Variants in PRKAR2A observed in about 807,000 individuals in gnomAD.
The protein encoded by PRKAR2A is cAMP-dependent protein kinase type II-alpha regulatory subunit.
In PRKAR2A, 29 loss-of-function variants were observed where a neutral mutation model predicts 51.9. That is an observed-to-expected ratio of 0.56 (90% CI 0.42 to 0.76). The LOEUF (loss-of-function observed/expected upper bound fraction) is 0.76. Among genes scored for constraint, PRKAR2A ranks in the 30% least tolerant of loss-of-function variants. The pLI is 0.00. For missense variants in PRKAR2A, 445 were observed against 512.1 expected, an observed-to-expected ratio of 0.87 and a Z score of 1.26; for synonymous variants, 178 against 186.2, an observed-to-expected ratio of 0.96 and a Z score of 0.36.
intron 1 of PRKAR2A, among the ~76,000 whole-genome samples, chr3:48,820,476 A>T (rs74354316): frequency 6.4e-4 from 97 of 152,312 alleles, no homozygotes; most frequent in African/African-American, 2.1e-3. Flanking sequence ...TCTTGCACAT[A>T]GATGACTACT....
intron 9 of PRKAR2A, among the ~76,000 whole-genome samples, chr3:48,753,901 T>TC (rs1376985163): frequency 0.011 from 1 of 92 alleles, no homozygotes; most frequent in Non-Finnish European, 0.023. Flanking sequence ...TATTGTTTTC[T>TC]TTTTTTTTTT....
chr3:48,781,498 C>T (rs1338868497), intron 5 of PRKAR2A, among the ~76,000 whole-genome samples: 7 of 151,524 alleles, frequency 4.6e-5, no homozygotes, highest in East Asian at 1.9e-4. Context: ...CACACCACCA[C>T]GCCCGGTTAC....
chr3:48,769,617 T>C (rs1420703289), intron 6 of PRKAR2A, among the ~76,000 whole-genome samples: 3 of 152,022 alleles, frequency 2.0e-5, no homozygotes, highest in Admixed American at 6.6e-5. Context: ...GCTAGGATTA[T>C]AGGCATGCGC....
At chr3:48,793,784 G>A (rs1046842570) in intron 3 of PRKAR2A, among the ~76,000 whole-genome samples, 4 of 152,094 alleles carry the variant, frequency 2.6e-5, no homozygotes, top group Non-Finnish European at 4.4e-5. Flanking sequence ...GAGCCACCAC[G>A]CCCAGCCTGT....
Position 48,751,601 on chromosome 3 carries a change from C to T in PRKAR2A, c.1199G>A (p.Gly400Asp). 1 of 1,612,572 alleles carries T rather than the reference C, an allele frequency of 6.2e-7. No homozygotes were observed. The highest frequency in any genetic ancestry group is 8.5e-7 in the Non-Finnish European group (1 of 1,179,230). The change falls in exon 11 of 11, where the codon GGC becomes GAC. Residue 400 changes from glycine to aspartate, a missense_variant. Transcript: ENST00000265563. ...GTGGCACACCTACTGCCCGAGGTTG[C>T]CCAGATCCACGCTGGAGCCAAACAT... is the stretch of plus-strand genomic sequence containing the variant. ...VKMFGSSVDL[G>D]NLGQ is the part of the protein sequence containing the mutation.
Position 48,750,778 on chromosome 3 carries a change from G to A in PRKAR2A, c.*807C>T, listed in dbSNP as rs995610418. 6.5e-6 allele frequency: 1 copy of A among 153,588 alleles called. No homozygotes were observed. Among genetic ancestry groups the A allele is most frequent in the Admixed American group, 6.5e-5 (1 of 15,466 alleles). 9.5% of individuals were successfully genotyped at this position (153,588 alleles called of 1,614,324 possible). A position where few individuals can be genotyped will look rare whatever the true frequency, so the allele number is the denominator to read the frequency against. On this transcript the variant is annotated 3_prime_UTR_variant, in exon 11 of 11. Coordinates refer to ENST00000265563, the MANE Select transcript of PRKAR2A (RefSeq NM_004157.4). The stretch of plus-strand genomic sequence containing the variant: ...GTATAGCAATTCATTCATACAAACT[G>A]CACAGAGGTTAAACAAAACCTACTA...
intron 1 of PRKAR2A, among the ~76,000 whole-genome samples, chr3:48,817,045 T>A (rs2082884842): frequency 6.6e-6 from 1 of 151,548 alleles, no homozygotes; most frequent in Non-Finnish European, 1.5e-5. Flanking sequence ...AATAAGGTAA[T>A]AGGCTGGGCG....
intron 1 of PRKAR2A, among the ~76,000 whole-genome samples, chr3:48,837,996 G>T (rs1238370346): frequency 6.6e-6 from 1 of 151,708 alleles, no homozygotes; most frequent in African/African-American, 2.4e-5. Context: ...GGCTAACACA[G>T]GGAAACCCCA....
rs1162724619 is a variant in PRKAR2A, at chr3:48,773,080, C to G, written c.571G>C (p.Asp191His). 1.9e-6 allele frequency: 3 copies of G among 1,609,798 alleles called. No homozygotes were observed. The highest frequency in any genetic ancestry group is 3.4e-5 in the Admixed American group (2 of 59,564). The change falls in exon 6 of 11, where the codon GAT becomes CAT. Residue 191 changes from aspartate to histidine, a missense_variant. Transcript: ENST00000265563. ...RGTYDILVTK[D>H]NQTRSVGQYD... ...TGACCAACAGAGCGGGTTTGATTAT[C>G]TTTTGTTACTAAAATGTCATAAGTT... is the stretch of plus-strand genomic sequence containing the variant.
intron 9 of PRKAR2A, among the ~76,000 whole-genome samples, chr3:48,754,935 A>C (rs1181462947): frequency 1.3e-5 from 2 of 149,982 alleles, no homozygotes; most frequent in Non-Finnish European, 1.5e-5. Flanking sequence ...AAAGAGAGAG[A>C]GAGAAAACAA....
intron 2 of PRKAR2A, among the ~76,000 whole-genome samples, chr3:48,798,700 A>G (rs1228843710): frequency 2.7e-5 from 4 of 146,132 alleles, no homozygotes; most frequent in Admixed American, 2.1e-4. Context: ...ACACTCCGTC[A>G]CCCATGCTGG....
At chr3:48,792,225 T>C (rs1460348693) in intron 3 of PRKAR2A, among the ~76,000 whole-genome samples, 1 of 151,474 alleles carries the variant, frequency 6.6e-6, no homozygotes, top group Non-Finnish European at 1.5e-5. Flanking sequence ...CACTGCAACC[T>C]CCACCTCCCA....
intron 5 of PRKAR2A, 104 bp from the exon 6 acceptor site, chr3:48,773,212 T>A: frequency 1.1e-6 from 1 of 934,822 alleles, no homozygotes. Context: ...AGATTTCCAA[T>A]GGAACTTTGC....
intron 2 of PRKAR2A, among the ~76,000 whole-genome samples, chr3:48,795,306 T>C (rs2082473928): frequency 6.6e-6 from 1 of 152,060 alleles, no homozygotes; most frequent in African/African-American, 2.4e-5. Context: ...AGTTTTGACA[T>C]TTAAGTCATG....
chr3:48,820,439 A>G (rs1274482080), intron 1 of PRKAR2A, among the ~76,000 whole-genome samples: 1 of 152,198 alleles, frequency 6.6e-6, no homozygotes, highest in Non-Finnish European at 1.5e-5. Context: ...ATACTGTCCT[A>G]AAACAGAGAA....
At chr3:48,842,532 A>G (rs2083397282) in intron 1 of PRKAR2A, among the ~76,000 whole-genome samples, 1 of 152,220 alleles carries the variant, frequency 6.6e-6, no homozygotes, top group Admixed American at 6.5e-5. Flanking sequence ...CCCATTCAGT[A>G]TGATATTGGC....
Position 48,829,847 on chromosome 3 carries a change from G to GTGTGTA in PRKAR2A, c.262+17487_262+17488insTACACA, listed in dbSNP as rs777532795. On this transcript the variant is annotated intron_variant, in intron 1 of 10. Transcript: ENST00000265563. ...TATACATACATATATATGCGTGTGT[G>GTGTGTA]TATATATATATATATATATATATAT... is the stretch of plus-strand genomic sequence containing the variant. Among the ~76,000 whole-genome samples, 548 of 63,736 alleles carry GTGTGTA rather than the reference G, an allele frequency of 8.6e-3. 4 individuals carry two copies. Among genetic ancestry groups the GTGTGTA allele is most frequent in the Middle Eastern group, 0.014 (1 of 74 alleles). The allele number at this position is 63,736 out of a possible 152,430, so 41.8% of individuals were successfully genotyped here.
At chr3:48,757,116 G>C (rs542286979) in intron 8 of PRKAR2A, among the ~76,000 whole-genome samples, 2 of 152,266 alleles carry the variant, frequency 1.3e-5, no homozygotes, top group East Asian at 3.9e-4. Flanking sequence ...AGCCATGAAA[G>C]AAACTTAGTA....
intron 2 of PRKAR2A, among the ~76,000 whole-genome samples, chr3:48,797,644 C>T (rs752246272): frequency 1.6e-4 from 25 of 152,150 alleles, no homozygotes; most frequent in Non-Finnish European, 3.7e-4. Context: ...GCCATCGATA[C>T]CAAGTGCCCA....
Sources: gnomAD v4.1 joint callset for allele counts (sites outside exome capture counted in the v4.1 genomes callset) on GRCh38, gnomAD v4.1.1 for gene constraint, MANE v1.5 for transcripts, NCBI Gene and HGNC (gene_info 2026-07-23, HGNC 2026-07-21) for gene names.